The following ANKRD30A variants were observed in gnomAD, a reference collection of about 807,000 sequenced individuals.
The protein encoded by ANKRD30A is ankyrin repeat domain-containing protein 30A.
Under a neutral mutation model 166.3 loss-of-function variants are expected in ANKRD30A, and 170 were observed. The ratio of observed to expected loss-of-function variants is 1.02; its 90% CI spans 0.90 to 1.16. The LOEUF (loss-of-function observed/expected upper bound fraction) is 1.16. ANKRD30A is among the 50% of genes most tolerant of loss of function. ANKRD30A has a pLI of 0.00. For synonymous variants in ANKRD30A, 564 were observed against 508.9 expected (o/e 1.11, Z -1.46); for missense variants, 1,630 against 1,518.0 (o/e 1.07, Z -1.23).
At chr10:37,136,162 CT>C (rs1454274406) in intron 5 of ANKRD30A, among the ~76,000 whole-genome samples, 5 of 152,120 alleles carry the variant, frequency 3.3e-5, no homozygotes, top group Non-Finnish European at 5.9e-5. Flanking sequence ...TATTTCATTG[CT>C]TCACTATTTC....
chr10:37,149,425 G>T (rs1484906909), intron 9 of ANKRD30A, among the ~76,000 whole-genome samples: 1 of 151,892 alleles, frequency 6.6e-6, no homozygotes, highest in African/African-American at 2.4e-5. Flanking sequence ...ACACAATCTC[G>T]CTTTGAAGTC....
chr10:37,141,329 T>G (rs1223997743), intron 6 of ANKRD30A, among the ~76,000 whole-genome samples: 1 of 152,100 alleles, frequency 6.6e-6, no homozygotes, highest in African/African-American at 2.4e-5. Context: ...CCTAGCACTC[T>G]GGGAGGCCAA....
chr10:37,231,314 C>T (rs1458445159), intron 34 of ANKRD30A, 147 bp from the exon 35 acceptor site: 2 of 482,430 alleles, frequency 4.1e-6, no homozygotes, highest in East Asian at 6.9e-5. Flanking sequence ...ACTAGGCATG[C>T]TCTCACACAT....
chr10:37,130,378 G>A lies in ANKRD30A; in HGVS notation c.510G>A (p.Lys170=). Residue 170 remains lysine, a splice_region_variant and synonymous_variant, in exon 3 of 36, where the codon AAG becomes AAA. Coordinates refer to ENST00000361713, the MANE Select transcript of ANKRD30A (RefSeq NM_052997.3). ...GTGCAGTCATCGAAGTGCACAACAA[G>A]GTAGACACTAACCAATGTTATTTTC... ...SHGAVIEVHN[K]ASLTPLLLSI... The A allele has an allele frequency of 6.8e-7, 1 of 1,465,862 alleles. No individual in the cohort carries two copies. The highest frequency in any genetic ancestry group is 1.6e-5 in the South Asian group (1 of 63,980). The allele number at this position is 1,465,862 out of a possible 1,614,324, so 90.8% of individuals were successfully genotyped here.
rs1424145807 is a variant in ANKRD30A, at chr10:37,125,784, A to T, written c.-4A>T. The T allele has an allele frequency of 1.2e-5, 8 of 649,156 alleles. No individual in the cohort carries two copies. In the Admixed American group the frequency reaches 2.2e-4, roughly 18 times the overall value. 40.2% of individuals were successfully genotyped at this position (649,156 alleles called of 1,614,324 possible). ...CGGGCACTCTCTAGCAGGTGGCCGC[A>T]GCCATGGAGGAGATCTCTGCCGCCG... is the stretch of plus-strand genomic sequence containing the variant. On this transcript the variant is annotated 5_prime_UTR_variant, in exon 1 of 36. Coordinates refer to ENST00000361713, the MANE Select transcript of ANKRD30A (RefSeq NM_052997.3).
intron 24 of ANKRD30A, among the ~76,000 whole-genome samples, chr10:37,179,034 A>G (rs1317376958): frequency 6.1e-4 from 34 of 55,350 alleles, no homozygotes; most frequent in African/African-American, 1.5e-3. Context: ...ATATATATAT[A>G]TATATATATA....
At chr10:37,216,152 A>G (rs1233976930) in intron 31 of ANKRD30A, 29 bp from the exon 32 acceptor site, 2 of 1,485,206 alleles carry the variant, frequency 1.3e-6, no homozygotes, top group Admixed American at 2.0e-5. Context: ...GTACTAATAT[A>G]TTTTATTTGT....
At chr10:37,195,592 C>G (rs1398414158) in intron 27 of ANKRD30A, among the ~76,000 whole-genome samples, 1 of 152,112 alleles carries the variant, frequency 6.6e-6, no homozygotes, top group Non-Finnish European at 1.5e-5. Context: ...GATAGTTACA[C>G]ATATTTATTT....
chr10:37,161,645 G>A (rs1250260816), intron 15 of ANKRD30A, among the ~76,000 whole-genome samples: 1 of 152,100 alleles, frequency 6.6e-6, no homozygotes, highest in African/African-American at 2.4e-5. Context: ...ACTACCGGAA[G>A]CAGGAGTCCT....
chr10:37,162,233 C>A (rs1003128164), intron 15 of ANKRD30A, among the ~76,000 whole-genome samples: 3 of 152,102 alleles, frequency 2.0e-5, no homozygotes, highest in Admixed American at 6.5e-5. Flanking sequence ...GATGTCAGTT[C>A]TACATTCAGC....
chr10:37,201,748 T>A (rs760754647), intron 31 of ANKRD30A, among the ~76,000 whole-genome samples: 10 of 152,024 alleles, frequency 6.6e-5, no homozygotes, highest in South Asian at 2.1e-4. Flanking sequence ...GACCTTCTAG[T>A]ACCAAAATTT....
intron 35 of ANKRD30A, among the ~76,000 whole-genome samples, chr10:37,232,215 T>C (rs1034802798): frequency 1.3e-5 from 2 of 152,036 alleles, no homozygotes; most frequent in Non-Finnish European, 2.9e-5. Context: ...CATTTTTGTT[T>C]TGTTTTAAAG....
chr10:37,241,809 T>C, the ANKRD30A span: 1 of 152,186 alleles, frequency 6.6e-6, no homozygotes, highest in African/African-American at 2.4e-5. Flanking sequence ...TGTTACTTAC[T>C]TATTTATTTT....
At chr10:37,219,941 A>T in intron 34 of ANKRD30A, 44 bp downstream of exon 34, 1 of 1,354,260 alleles carries the variant, frequency 7.4e-7, no homozygotes, top group Non-Finnish European at 9.6e-7. Flanking sequence ...TTCCTGAAAG[A>T]AAGTTTAAAG....
chr10:37,259,660 T>C, the ANKRD30A span, among the ~76,000 whole-genome samples: 3 of 152,124 alleles, frequency 2.0e-5, no homozygotes, highest in Non-Finnish European at 4.4e-5. Flanking sequence ...TATAGAGCAA[T>C]GAAAATAAAT....
chr10:37,202,802 G>A (rs1227956864), intron 31 of ANKRD30A, among the ~76,000 whole-genome samples: 1 of 151,784 alleles, frequency 6.6e-6, no homozygotes, highest in Non-Finnish European at 1.5e-5. Flanking sequence ...ATGATAAAGG[G>A]GATATCACCA....
intron 15 of ANKRD30A, among the ~76,000 whole-genome samples, chr10:37,159,462 G>A (rs775004804): frequency 6.6e-6 from 1 of 152,088 alleles, no homozygotes; most frequent in Non-Finnish European, 1.5e-5. Context: ...AAGTTGCAGT[G>A]AGCCGTCCTT....
At chr10:37,166,959 TAGTAATAG>T (rs1267712955) in intron 19 of ANKRD30A, among the ~76,000 whole-genome samples, 1 of 151,788 alleles carries the variant, frequency 6.6e-6, no homozygotes, top group Non-Finnish European at 1.5e-5. Context: ...AAGAAGAAAG[TAGTAATAG>T]AGTAAATGAA....
chr10:37,193,651 G>T (rs1436654704), intron 27 of ANKRD30A, among the ~76,000 whole-genome samples: 3 of 151,928 alleles, frequency 2.0e-5, no homozygotes, highest in Non-Finnish European at 4.4e-5. Context: ...AGTTGTGAGT[G>T]TTACCACTCT....
Sources: allele counts gnomAD v4.1 joint callset (sites outside exome capture counted in the v4.1 genomes callset), GRCh38; gene constraint gnomAD v4.1.1; transcripts MANE v1.5; gene names NCBI Gene and HGNC (gene_info 2026-07-23, HGNC 2026-07-21).